Variants in NFATC3 observed in about 807,000 individuals in gnomAD.
The protein encoded by NFATC3 is nuclear factor of activated T-cells, cytoplasmic 3.
A neutral mutation model predicts 98.6 loss-of-function variants in NFATC3; 46 were observed. That is an observed-to-expected ratio of 0.47 (90% CI 0.37 to 0.60). NFATC3 has a LOEUF of 0.60. Ranked by LOEUF, NFATC3 falls within the 20% of genes least tolerant of loss-of-function variation. NFATC3 has a pLI of 0.00. For synonymous variants in NFATC3, 512 were observed against 472.2 expected (o/e 1.08, Z -1.09); for missense variants, 1,256 against 1,295.5 (o/e 0.97, Z 0.47).
In NFATC3 at chr16:68,085,722, T is replaced by C; in HGVS notation, c.41T>C (p.Phe14Ser). 6.6e-7 allele frequency: 1 copy of C among 1,512,826 alleles called. No individual in the cohort carries two copies. Among genetic ancestry groups the C allele is most frequent in the Non-Finnish European group, 8.8e-7 (1 of 1,132,514 alleles). The allele number at this position is 1,512,826 out of a possible 1,614,324, so 93.7% of individuals were successfully genotyped here. A position where few individuals can be genotyped will look rare whatever the true frequency, so the allele number is the denominator to read the frequency against. The change falls in exon 1 of 10, where the codon TTC becomes TCC. Residue 14 changes from phenylalanine (F) to serine (S), a missense_variant. Phe to Ser is a radical substitution (Grantham distance 155, BLOSUM62 -2). This residue lies in a region of NFATC3 where 464 missense variants were observed against 465.7 expected (regional missense o/e 1.00). Coordinates refer to ENST00000346183, the MANE Select transcript of NFATC3 (RefSeq NM_173165.3). ...TGTGGCGCCCACGACGAGCTCGACTTCAAACTCGTCTTTGGCGAGGACGGG... is the reference window on the plus strand; with the variant it reads ...TGTGGCGCCCACGACGAGCTCGACTCCAAACTCGTCTTTGGCGAGGACGGG... ...ANCGAHDELD[F>S]KLVFGEDGAP... is the part of the protein sequence containing the mutation.
intron 3 of NFATC3, chr16:68,138,735 C>G (rs2037586181): frequency 1.6e-6 from 2 of 1,288,830 alleles, no homozygotes; most frequent in African/African-American, 3.0e-5. Flanking sequence ...GCAGCCTTTC[C>G]TCATCAAAAC....
At chr16:68,199,102 A>G (rs2040795246) in intron 9 of NFATC3, among the ~76,000 whole-genome samples, 1 of 150,182 alleles carries the variant, frequency 6.7e-6, no homozygotes, top group South Asian at 2.1e-4. Flanking sequence ...TATAGTCCCA[A>G]CTACTCAGGA....
chr16:68,218,204 A>C, intron 9 of NFATC3: 1 of 200,464 alleles, frequency 5.0e-6, no homozygotes, highest in Non-Finnish European at 8.9e-6. Flanking sequence ...CTGGGATTAC[A>C]AGCATGACCC....
chr16:68,113,445 C>T (rs2036091470), intron 1 of NFATC3, among the ~76,000 whole-genome samples: 1 of 152,216 alleles, frequency 6.6e-6, no homozygotes, highest in South Asian at 2.1e-4. Flanking sequence ...TGCAGAACAG[C>T]AAAGATGGCT....
intron 1 of NFATC3, among the ~76,000 whole-genome samples, chr16:68,111,963 C>T (rs1186300357): frequency 1.3e-5 from 2 of 152,156 alleles, no homozygotes; most frequent in Non-Finnish European, 2.9e-5. Flanking sequence ...TCTCTTCTGG[C>T]TTGTAGGGTT....
chr16:68,225,272 C>T (rs2042003811), intron 9 of NFATC3: 1 of 152,152 alleles, frequency 6.6e-6, no homozygotes. Flanking sequence ...AATTTTATAA[C>T]TCCATTACTC....
Position 68,226,406 on chromosome 16 carries a change from G to T in NFATC3, c.3163G>T (p.Val1055Leu). Residue 1055 changes from valine (V) to leucine (L), a missense_variant, in exon 10 of 10, where the codon GTG becomes TTG. By Grantham distance (32) the Val-to-Leu change is conservative. Transcript: ENST00000346183. ...SQISVSQGAG[V>L]SRQAPLPSPE... ...GATTTCTGTTTCCCAAGGAGCAGGG[G>T]TGAGCAGGCAGGCTCCCCTCCCGAG... The T allele has an allele frequency of 6.4e-7, 1 of 1,572,916 alleles. No individual in the cohort carries two copies. The highest frequency in any genetic ancestry group is 1.4e-5 in the African/African-American group (1 of 71,898).
intron 9 of NFATC3, chr16:68,217,802 G>A (rs566028316): frequency 8.1e-7 from 1 of 1,231,616 alleles, no homozygotes; most frequent in South Asian, 4.1e-5. Flanking sequence ...GGCCAAGCAA[G>A]TGATGAGGAA....
Position 68,183,319 on chromosome 16 carries a change from A to G in NFATC3, c.2051A>G (p.Asn684Ser), listed in dbSNP as rs1034725861. The change falls in exon 8 of 10, where the codon AAT (asparagine) becomes AGT (serine). Residue 684 changes from asparagine to serine, a missense_variant. By Grantham distance (46) the Asn-to-Ser change is conservative (BLOSUM62 1). Coordinates refer to ENST00000346183, the MANE Select transcript of NFATC3 (RefSeq NM_173165.3). The stretch of plus-strand genomic sequence containing the variant: ...GTGCAGGTGCACTTTTATCTTTGCA[A>G]TGGCAAGAGGAAAAAAAGCCAGTCT... ...AAVQVHFYLC[N>S]GKRKKSQSQR... 2.5e-6 allele frequency: 4 copies of G among 1,613,682 alleles called. No homozygotes were observed. Among genetic ancestry groups the G allele is most frequent in the Admixed American group, 1.7e-5 (1 of 59,936 alleles).
chr16:68,205,169 A>G (rs1359711722), intron 9 of NFATC3, among the ~76,000 whole-genome samples: 2 of 152,132 alleles, frequency 1.3e-5, no homozygotes, highest in Non-Finnish European at 2.9e-5. Context: ...TAAGTCCTTG[A>G]TAATCATGTT....
rs1049570354 is a variant in NFATC3 at position 68,169,926 on chromosome 16, C to T, written c.1774+2911C>T. On this transcript the variant is annotated intron_variant, in intron 5 of 9. Coordinates refer to ENST00000346183, the MANE Select transcript of NFATC3 (RefSeq NM_173165.3). ...ATTGCACTCCAGACTGGGCAACGAA[C>T]GAAACTCCATCTCAAAAGAAAGAAA... 6.6e-5 allele frequency among the ~76,000 whole-genome samples: 10 copies of T among 151,518 alleles called. No homozygotes were observed. The South Asian group carries it at 1.9e-3, about 28-fold the overall frequency.
intron 5 of NFATC3, among the ~76,000 whole-genome samples, chr16:68,173,635 C>T (rs1301094956): frequency 6.6e-6 from 1 of 152,136 alleles, no homozygotes; most frequent in Non-Finnish European, 1.5e-5. Flanking sequence ...GTAGTAGTTT[C>T]CTAGAACTTG....
chr16:68,120,565 T>A (rs2036517189), intron 1 of NFATC3, among the ~76,000 whole-genome samples: 1 of 141,072 alleles, frequency 7.1e-6, no homozygotes, highest in Admixed American at 7.2e-5. Flanking sequence ...AGAGAGACTC[T>A]GTCTCAGAAA....
chr16:68,226,632 T>C lies in NFATC3; in HGVS notation c.*161T>C, dbSNP rs1398949976. On this transcript the variant is annotated 3_prime_UTR_variant, in exon 10 of 10. Transcript: ENST00000346183. ...CCTCCACCTCAGGCCTTGGGTAGATTTGGCAAAAGAACAGGAGCAGCATAG... is the reference window on the plus strand; with the variant it reads ...CCTCCACCTCAGGCCTTGGGTAGATCTGGCAAAAGAACAGGAGCAGCATAG... 1.3e-6 allele frequency: 1 copy of C among 785,486 alleles called. No homozygotes were observed. Among genetic ancestry groups the C allele is most frequent in the East Asian group, 3.0e-5 (1 of 32,848 alleles). 48.7% of individuals were successfully genotyped at this position (785,486 alleles called of 1,614,324 possible). A position where few individuals can be genotyped will look rare whatever the true frequency, so the allele number is the denominator to read the frequency against.
chr16:68,127,631 T>A (rs1402751501), intron 3 of NFATC3, among the ~76,000 whole-genome samples: 1 of 149,570 alleles, frequency 6.7e-6, no homozygotes, highest in Non-Finnish European at 1.5e-5. Flanking sequence ...GAGGCTGTAG[T>A]GAGCTATGAT....
intron 9 of NFATC3, chr16:68,217,931 T>TA (rs1196292963): frequency 8.2e-7 from 1 of 1,225,174 alleles, no homozygotes. Flanking sequence ...TGTGACTAAC[T>TA]AAACCTCGAT....
intron 9 of NFATC3, among the ~76,000 whole-genome samples, chr16:68,208,091 A>G (rs1038583327): frequency 1.3e-5 from 2 of 151,960 alleles, no homozygotes; most frequent in East Asian, 3.9e-4. Flanking sequence ...GCTGGAGTGT[A>G]GTGGCATGAC....
intron 9 of NFATC3, chr16:68,218,051 G>T (rs556090182): frequency 2.8e-6 from 3 of 1,078,358 alleles, no homozygotes; most frequent in South Asian, 4.5e-5. Flanking sequence ...ATATTTTTTG[G>T]TTTTTCCCTT....
Position 68,227,729 on chromosome 16 carries a change from G to A in NFATC3, c.*1258G>A, listed in dbSNP as rs2042063642. ...TGGTGCTGCTGCTGGTGAGACTGGT[G>A]TCCAAGGCAGGGCCCAGCAGAAACT... On this transcript the variant is annotated 3_prime_UTR_variant, in exon 10 of 10. Transcript: ENST00000346183. 1 of 151,850 alleles carries A rather than the reference G, an allele frequency of 6.6e-6. No individual in the cohort carries two copies. Among genetic ancestry groups the A allele is most frequent in the South Asian group, 2.1e-4 (1 of 4,808 alleles). The allele number at this position is 151,850 out of a possible 1,614,324, so 9.4% of individuals were successfully genotyped here. A position where few individuals can be genotyped will look rare whatever the true frequency, so the allele number is the denominator to read the frequency against.
Sources: allele counts gnomAD v4.1 joint callset (sites outside exome capture counted in the v4.1 genomes callset), GRCh38; gene constraint gnomAD v4.1.1; regional missense constraint gnomAD v4.1.1; transcripts MANE v1.5; gene names NCBI Gene and HGNC (gene_info 2026-07-23, HGNC 2026-07-21).